The following CCDC60 variants were observed in gnomAD, a reference collection of about 807,000 sequenced individuals.
CCDC60 encodes the protein coiled-coil domain-containing protein 60.
Under a neutral mutation model 63.5 loss-of-function variants are expected in CCDC60, and 54 were observed. The ratio of observed to expected loss-of-function variants is 0.85; its 90% CI spans 0.68 to 1.07. CCDC60 has a LOEUF of 1.07. Among genes scored for constraint, CCDC60 ranks in the 50% least tolerant of loss-of-function variants. The pLI is 0.00. For missense variants in CCDC60, 651 were observed against 684.3 expected (o/e 0.95, Z 0.54); for synonymous variants, 206 against 238.8 (o/e 0.86, Z 1.27).
intron 13 of CCDC60, among the ~76,000 whole-genome samples, chr12:119,533,901 G>A (rs1050348123): frequency 1.3e-5 from 2 of 152,134 alleles, no homozygotes; most frequent in Non-Finnish European, 2.9e-5. Context: ...TGACAATACG[G>A]GCTCTTTTTT....
intron 1 of CCDC60, among the ~76,000 whole-genome samples, chr12:119,394,901 A>G (rs981523765): frequency 4.6e-5 from 7 of 152,230 alleles, no homozygotes; most frequent in East Asian, 1.9e-4. Flanking sequence ...GACTTGATCA[A>G]TATGCTCTGG....
At chr12:119,449,186 CACA>C (rs907479936) in intron 2 of CCDC60, among the ~76,000 whole-genome samples, 5 of 152,154 alleles carry the variant, frequency 3.3e-5, no homozygotes, top group Admixed American at 3.3e-4. Flanking sequence ...TCAATCAAAG[CACA>C]ACATGTGCAC....
intron 1 of CCDC60, among the ~76,000 whole-genome samples, chr12:119,408,640 G>A (rs911008246): frequency 4.6e-5 from 7 of 152,070 alleles, no homozygotes; most frequent in South Asian, 4.1e-4. Flanking sequence ...TGGCTAACAC[G>A]GTGAAACCCT....
intron 1 of CCDC60, among the ~76,000 whole-genome samples, chr12:119,366,079 A>C (rs1279655846): frequency 1.3e-5 from 2 of 152,234 alleles, no homozygotes; most frequent in African/African-American, 4.8e-5. Context: ...ACACATACAC[A>C]CACTGTGCTA....
At chr12:119,360,644 C>T (rs1955776441) in intron 1 of CCDC60, among the ~76,000 whole-genome samples, 1 of 151,500 alleles carries the variant, frequency 6.6e-6, no homozygotes, top group African/African-American at 2.4e-5. Context: ...TCCCCACATC[C>T]CAGACGATGG....
intron 1 of CCDC60, among the ~76,000 whole-genome samples, chr12:119,413,375 A>T (rs12304310): frequency 0.14 from 21,216 of 152,172 alleles, 1,657 homozygotes; most frequent in African/African-American, 0.18. Flanking sequence ...ACCTACTGTT[A>T]TATCGCTGCA....
intron 2 of CCDC60, among the ~76,000 whole-genome samples, chr12:119,464,401 C>T (rs1285406140): frequency 6.8e-6 from 1 of 148,080 alleles, no homozygotes; most frequent in Non-Finnish European, 1.5e-5. Flanking sequence ...CCTCCCCTTT[C>T]CTCTTCCTCC....
Position 119,523,862 on chromosome 12 carries a change from G to C in CCDC60, c.1229+44G>C, listed in dbSNP as rs375779154. 44 of 1,599,466 alleles carry C rather than the reference G, an allele frequency of 2.8e-5. No homozygotes were observed. The Middle Eastern group carries it at 1.2e-3, about 42-fold the overall frequency. ...CCATTCATTCAAACAGCATTCACTG[G>C]GTACCTACTATATGCCTGCCAGGTG... On this transcript the variant is annotated intron_variant, in intron 11 of 13. Transcript: ENST00000327554.
At chr12:119,403,331 G>T (rs1440110686) in intron 1 of CCDC60, among the ~76,000 whole-genome samples, 1 of 152,184 alleles carries the variant, frequency 6.6e-6, no homozygotes, top group Admixed American at 6.5e-5. Context: ...TGGATGGAAG[G>T]TGAGAGAGGA....
chr12:119,465,096 G>A (rs556608579), intron 2 of CCDC60, among the ~76,000 whole-genome samples: 59 of 151,274 alleles, frequency 3.9e-4, no homozygotes, highest in African/African-American at 1.4e-3. Context: ...TGGATCACGA[G>A]GTCAGGAGAT....
chr12:119,353,632 A>T (rs1592984952), intron 1 of CCDC60, among the ~76,000 whole-genome samples: 1 of 65,032 alleles, frequency 1.5e-5, no homozygotes, highest in South Asian at 5.4e-4. Flanking sequence ...TTTGAGATGG[A>T]GTTTCACTCT....
chr12:119,449,445 G>T (rs1032514804), intron 2 of CCDC60, among the ~76,000 whole-genome samples: 1 of 152,050 alleles, frequency 6.6e-6, no homozygotes, highest in Non-Finnish European at 1.5e-5. Flanking sequence ...TATCCTGTTT[G>T]GATCATTCAG....
At chr12:119,472,256 C>G in intron 3 of CCDC60, 92 bp downstream of exon 3, 1 of 1,225,332 alleles carries the variant, frequency 8.2e-7, no homozygotes, top group Non-Finnish European at 1.2e-6. Context: ...GGGCAGCTAT[C>G]TCAGAGCACG....
At chr12:119,391,615 G>A (rs1030024951) in intron 1 of CCDC60, among the ~76,000 whole-genome samples, 1 of 152,220 alleles carries the variant, frequency 6.6e-6, no homozygotes, top group Non-Finnish European at 1.5e-5. Flanking sequence ...TGCATGTAAT[G>A]TGCATGCTGC....
intron 2 of CCDC60, among the ~76,000 whole-genome samples, chr12:119,470,426 T>A (rs889344327): frequency 3.3e-5 from 5 of 152,196 alleles, no homozygotes; most frequent in African/African-American, 1.2e-4. Context: ...GAGGAATGAA[T>A]GAATGAAATG....
intron 9 of CCDC60, among the ~76,000 whole-genome samples, chr12:119,521,590 T>G (rs1168939102): frequency 6.6e-6 from 1 of 152,038 alleles, no homozygotes; most frequent in Non-Finnish European, 1.5e-5. Context: ...AGGAGGAAGC[T>G]TAGGCTCAGG....
At chr12:119,395,648 A>G (rs1462354562) in intron 1 of CCDC60, among the ~76,000 whole-genome samples, 2 of 152,254 alleles carry the variant, frequency 1.3e-5, no homozygotes, top group Admixed American at 1.3e-4. Context: ...CAGCACGGTA[A>G]TGAGTTTCAC....
intron 1 of CCDC60, among the ~76,000 whole-genome samples, chr12:119,377,834 A>G (rs555921271): frequency 5.4e-4 from 83 of 152,324 alleles, no homozygotes; most frequent in Admixed American, 9.1e-4. Context: ...GCGGTATGCC[A>G]GGCACAGACG....
chr12:119,338,865 G>C (rs1187808869), intron 1 of CCDC60, among the ~76,000 whole-genome samples: 1 of 152,136 alleles, frequency 6.6e-6, no homozygotes, highest in African/African-American at 2.4e-5. Context: ...TATAATGAAT[G>C]ACTGTTGGAA....
Sources: allele counts gnomAD v4.1 joint callset (sites outside exome capture counted in the v4.1 genomes callset), GRCh38; gene constraint gnomAD v4.1.1; transcripts MANE v1.5; gene names NCBI Gene and HGNC (gene_info 2026-07-23, HGNC 2026-07-21).